The following LRWD1 variants were observed in gnomAD, a reference collection of about 807,000 sequenced individuals.
The protein encoded by LRWD1 is leucine-rich repeat and WD repeat-containing protein 1.
Under a neutral mutation model 75.6 loss-of-function variants are expected in LRWD1, and 76 were observed. The observed-to-expected ratio is 1.01, with a 90% confidence interval of 0.84 to 1.22. The LOEUF (loss-of-function observed/expected upper bound fraction) is 1.22, where lower values mean the gene tolerates loss of function less well. Ranked by LOEUF, LRWD1 falls within the 50% of genes most tolerant of loss-of-function variation. The pLI is 0.00. For missense variants in LRWD1, 917 were observed against 862.0 expected (o/e 1.06, Z -0.80); for synonymous variants, 487 against 377.0 (o/e 1.29, Z -3.38).
In LRWD1 at chr7:102,472,992, C is replaced by T. The variant is rs1384776583; in HGVS notation, c.1887C>T (p.Phe629=). The change falls in exon 15 of 15, where the codon TTC becomes TTT. Residue 629 remains phenylalanine (F), a synonymous_variant. Coordinates refer to ENST00000292616, the MANE Select transcript of LRWD1 (RefSeq NM_152892.3). ...MVNTVVANAS[F]TYLTALTDSN... is the part of the protein sequence containing the mutation. ...ACACAGTGGTGGCCAATGCCTCCTT[C>T]ACCTACCTCACCGCCCTGACGGACT... 3 of 1,614,144 alleles carry T rather than the reference C, an allele frequency of 1.9e-6. No homozygotes were observed. The highest frequency in any genetic ancestry group is 2.2e-5 in the East Asian group (1 of 44,880).
At chr7:102,465,718 G>A in intron 1 of LRWD1, 99 bp from the exon 2 acceptor site, 2 of 839,826 alleles carry the variant, frequency 2.4e-6, no homozygotes, top group East Asian at 2.6e-5. Flanking sequence ...ACACTTGTAC[G>A]AGAAATGTCA....
At chr7:102,465,417 C>T in intron 1 of LRWD1, 2 of 403,300 alleles carry the variant, frequency 5.0e-6, no homozygotes, top group South Asian at 4.8e-5. Flanking sequence ...GAAGCACAGA[C>T]GAGCCCCCGA....
chr7:102,467,176 GT>G (rs1798030172), intron 3 of LRWD1, among the ~76,000 whole-genome samples, 162 bp from the exon 4 acceptor site: 6 of 102,746 alleles, frequency 5.8e-5, no homozygotes, highest in Admixed American at 1.0e-4. Context: ...TGTGGGGTGT[GT>G]GTGTGTGTGT....
rs763006469 is a variant in LRWD1, at chr7:102,468,978, G to A, written c.1144G>A (p.Gly382Ser). 20 of 1,612,540 alleles carry A rather than the reference G, an allele frequency of 1.2e-5. No individual in the cohort carries two copies. Among genetic ancestry groups the A allele is most frequent in the East Asian group, 8.9e-5 (4 of 44,872 alleles). ...GGTCCGGCTGCTGCACGTGCGTGCCGGCTTCTGCTGCGGGGTCATCCGAGC... is the reference window on the plus strand; with the variant it reads ...GGTCCGGCTGCTGCACGTGCGTGCCAGCTTCTGCTGCGGGGTCATCCGAGC... ...GLVRLLHVRA[G>S]FCCGVIRAHK... The change falls in exon 9 of 15, where the codon GGC becomes AGC. Residue 382 changes from glycine to serine, a missense_variant. Gly to Ser is a moderately conservative substitution (Grantham distance 56). Transcript: ENST00000292616.
At chr7:102,468,037 C>T (rs753498259) in intron 5 of LRWD1, 25 bp from the exon 6 acceptor site, 1 of 1,601,452 alleles carries the variant, frequency 6.2e-7, no homozygotes, top group Non-Finnish European at 8.5e-7. Flanking sequence ...CAGACAGGCC[C>T]ATGGTCACAA....
Position 102,468,660 on chromosome 7 carries a change from T to C in LRWD1, c.1020+6T>C. 6.4e-7 allele frequency: 1 copy of C among 1,558,942 alleles called. No individual in the cohort carries two copies. Among genetic ancestry groups the C allele is most frequent in the African/African-American group, 1.4e-5 (1 of 73,410 alleles). ...AGTACAAGGCACCCGGCGAGGTGAG[T>C]GCAAGGCCCTGTCCCTGCTGGGCAA... On this transcript the variant is annotated splice_donor_region_variant and intron_variant, in intron 8 of 14. Coordinates refer to ENST00000292616, the MANE Select transcript of LRWD1 (RefSeq NM_152892.3).
At position 102,472,792 on chromosome 7, in the gene LRWD1, G is replaced by C; in HGVS notation, c.1791G>C (p.Gln597His). The C allele has an allele frequency of 6.2e-7, 1 of 1,613,438 alleles. No homozygotes were observed. The highest frequency in any genetic ancestry group is 8.5e-7 in the Non-Finnish European group (1 of 1,179,928). The change falls in exon 14 of 15, where the codon CAG becomes CAC. Residue 597 changes from glutamine (Q) to histidine (H), a missense_variant. Coordinates refer to ENST00000292616, the MANE Select transcript of LRWD1 (RefSeq NM_152892.3). ...KQPPLLPAAL[Q>H]APTQILKWPQ... ...CACCCCTGCTGCCGGCAGCCCTGCA[G>C]GCCCCCACACAGGTACTGCCCGGCT...
rs555983141 is a variant in LRWD1 at position 102,471,487 on chromosome 7, T to C, written c.1443-731T>C. On this transcript the variant is annotated intron_variant, in intron 11 of 14. Coordinates refer to ENST00000292616, the MANE Select transcript of LRWD1 (RefSeq NM_152892.3). ...GCAGAGGTGGTGGCGGCGGTAGTTA[T>C]GGGCTTCTCTTTCTCACCAGCAGCC... The C allele has an allele frequency of 2.7e-3, 420 of 154,848 alleles. 1 individual carries two copies. Among genetic ancestry groups the C allele is most frequent in the Middle Eastern group, 0.017 (32 of 1,930 alleles). The allele number at this position is 154,848 out of a possible 1,614,324, so 9.6% of individuals were successfully genotyped here. A position where few individuals can be genotyped will look rare whatever the true frequency, so the allele number is the denominator to read the frequency against.
chr7:102,467,575 T>C (rs1173749720), intron 4 of LRWD1, 96 bp downstream of exon 4: 10 of 1,554,474 alleles, frequency 6.4e-6, no homozygotes, highest in Admixed American at 5.5e-5. Flanking sequence ...GCTGTGGGAG[T>C]GGGGTGAGTC....
At position 102,469,568 on chromosome 7, in the gene LRWD1, C is replaced by T. The variant is rs1258956819; in HGVS notation, c.1229-6C>T. On this transcript the variant is annotated splice_region_variant and splice_polypyrimidine_tract_variant and intron_variant, in intron 9 of 14. Coordinates refer to ENST00000292616, the MANE Select transcript of LRWD1 (RefSeq NM_152892.3). ...CCACTTCTCCCCTACCCCACCCCCT[C>T]TTCAGCGGCCTCCTATGACAAGCGG... 3.7e-6 allele frequency: 6 copies of T among 1,614,138 alleles called. No individual in the cohort carries two copies. Among genetic ancestry groups the T allele is most frequent in the Non-Finnish European group, 4.2e-6 (5 of 1,179,972 alleles).
At position 102,468,545 on chromosome 7, in the gene LRWD1, G is replaced by T. The variant is rs766603843; in HGVS notation, c.920-9G>T. Reference sequence around the variant, plus strand: ...CTGCTCATCCGACCTCTCAAAACCGGGCACTCAGGGGCCACATCCCAGACC... The same window carrying T: ...CTGCTCATCCGACCTCTCAAAACCGTGCACTCAGGGGCCACATCCCAGACC... On this transcript the variant is annotated splice_polypyrimidine_tract_variant and intron_variant, in intron 7 of 14. Coordinates refer to ENST00000292616, the MANE Select transcript of LRWD1 (RefSeq NM_152892.3). 2.6e-6 allele frequency: 4 copies of T among 1,561,018 alleles called. No homozygotes were observed. In the South Asian group the frequency reaches 3.5e-5, roughly 14 times the overall value.
At chr7:102,465,265 G>A in intron 1 of LRWD1, 105 bp downstream of exon 1, 1 of 1,152,904 alleles carries the variant, frequency 8.7e-7, no homozygotes, top group Non-Finnish European at 1.2e-6. Flanking sequence ...ATCGCCCTCT[G>A]GGTTCGGCAG....
At chr7:102,469,697 C>T (rs755165453) in intron 10 of LRWD1, 45 bp from the exon 11 acceptor site, 56 of 1,613,538 alleles carry the variant, frequency 3.5e-5, no homozygotes, top group Non-Finnish European at 4.5e-5. Flanking sequence ...GGCAGGGACA[C>T]CTCGGTCTGG....
intron 14 of LRWD1, 44 bp downstream of exon 14, chr7:102,472,848 T>A: frequency 1.2e-6 from 2 of 1,611,666 alleles, no homozygotes; most frequent in Non-Finnish European, 1.7e-6. Flanking sequence ...TGGCAAGGCA[T>A]CAGGGGCCCT....
At chr7:102,468,406 G>T (rs1798080158) in intron 7 of LRWD1, 29 bp downstream of exon 7, 1 of 1,573,080 alleles carries the variant, frequency 6.4e-7, no homozygotes, top group African/African-American at 1.3e-5. Flanking sequence ...GCGGGGCAAG[G>T]GCCGCTGGAA....
At chr7:102,467,645 C>G in intron 4 of LRWD1, 74 bp from the exon 5 acceptor site, 3 of 1,513,804 alleles carry the variant, frequency 2.0e-6, no homozygotes, top group Non-Finnish European at 2.7e-6. Context: ...CATAAGCTCC[C>G]CCTGACTATG....
intron 4 of LRWD1, 101 bp downstream of exon 4, chr7:102,467,580 T>G: frequency 6.5e-7 from 1 of 1,543,760 alleles, no homozygotes; most frequent in Non-Finnish European, 8.8e-7. Flanking sequence ...GGGAGTGGGG[T>G]GAGTCAGGGT....
chr7:102,465,392 C>T (rs1586735508), intron 1 of LRWD1: 1 of 410,516 alleles, frequency 2.4e-6, no homozygotes, highest in Non-Finnish European at 4.3e-6. Flanking sequence ...CTGCCGCTAT[C>T]GTTAGAGGGC....
In LRWD1 at chr7:102,467,391, C is replaced by G; in HGVS notation, c.485C>G (p.Ala162Gly). ...FMATLGPEEE[A>G]EKAQADFVKS... is the part of the protein sequence containing the mutation. ...GCCACACTGGGTCCTGAAGAGGAGG[C>G]TGAGAAGGCCCAGGCGGACTTTGTG... Residue 162 changes from alanine to glycine, a missense_variant, in exon 4 of 15, where the codon GCT becomes GGT. Coordinates refer to ENST00000292616, the MANE Select transcript of LRWD1 (RefSeq NM_152892.3). The G allele has an allele frequency of 6.2e-7, 1 of 1,613,738 alleles. No homozygotes were observed. Among genetic ancestry groups the G allele is most frequent in the South Asian group, 1.1e-5 (1 of 91,036 alleles).
Sources: allele counts gnomAD v4.1 joint callset (sites outside exome capture counted in the v4.1 genomes callset), GRCh38; gene constraint gnomAD v4.1.1; transcripts MANE v1.5; gene names NCBI Gene and HGNC (gene_info 2026-07-23, HGNC 2026-07-21).